Variants in GNG4 observed in about 807,000 individuals in gnomAD.
GNG4 encodes guanine nucleotide-binding protein G(I)/G(S)/G(O) subunit gamma-4.
Under a neutral mutation model 5.8 loss-of-function variants are expected in GNG4, and 4 were observed. The observed-to-expected ratio is 0.69, with a 90% CI of 0.34 to 1.57. The LOEUF is 1.57. Among genes scored for constraint, GNG4 ranks in the 40% most tolerant of loss-of-function variants. GNG4 has a pLI of 0.06. For synonymous variants in GNG4, 29 were observed against 32.9 expected (o/e 0.88, Z 0.41); for missense variants, 96 against 95.1 (o/e 1.01, Z -0.04).
chr1:235,552,009 G>T lies in GNG4; in HGVS notation c.*100C>A. Reference sequence around the variant, plus strand: ...AGCCCCGGCCACTGTTGGCTGGGCAGGGATGGGTGTTGGTCTCACTCCCTA... The same window carrying T: ...AGCCCCGGCCACTGTTGGCTGGGCATGGATGGGTGTTGGTCTCACTCCCTA... On this transcript the variant is annotated 3_prime_UTR_variant, in exon 4 of 4. Coordinates refer to ENST00000391854, the MANE Select transcript of GNG4 (RefSeq NM_001098722.2). 1.0e-6 allele frequency: 1 copy of T among 974,208 alleles called. No homozygotes were observed. Among genetic ancestry groups the T allele is most frequent in the Non-Finnish European group, 1.6e-6 (1 of 630,318 alleles). 60.3% of individuals were successfully genotyped at this position (974,208 alleles called of 1,614,324 possible).
intron 2 of GNG4, among the ~76,000 whole-genome samples, chr1:235,594,564 G>A (rs953183942): frequency 1.3e-5 from 2 of 152,210 alleles, no homozygotes; most frequent in East Asian, 1.9e-4. Context: ...TGCAGGTCCC[G>A]AGCCCTGCCC....
intron 3 of GNG4, among the ~76,000 whole-genome samples, chr1:235,577,573 T>C (rs1571889054): frequency 6.6e-6 from 1 of 152,154 alleles, no homozygotes; most frequent in East Asian, 1.9e-4. Context: ...CCCAAGTAGC[T>C]GCGGCTACAG....
chr1:235,617,637 C>A (rs747325619), intron 1 of GNG4, among the ~76,000 whole-genome samples: 2 of 152,168 alleles, frequency 1.3e-5, no homozygotes, highest in Admixed American at 6.5e-5. Context: ...GTAATCCCAG[C>A]ACTTTGGGAG....
At chr1:235,616,726 A>ATGTG (rs56726138) in intron 1 of GNG4, among the ~76,000 whole-genome samples, 3,610 of 149,832 alleles carry the variant, frequency 0.024, 144 homozygotes, top group African/African-American at 0.083. Flanking sequence ...GTGCTGAAAG[A>ATGTG]TGTGTGTGTG....
chr1:235,613,822 G>A (rs1688531436), intron 1 of GNG4, among the ~76,000 whole-genome samples: 1 of 152,138 alleles, frequency 6.6e-6, no homozygotes, highest in South Asian at 2.1e-4. Flanking sequence ...TAGTTGCCAA[G>A]GTTGGGTTCT....
chr1:235,629,424 C>T (rs1469489183), intron 1 of GNG4, among the ~76,000 whole-genome samples: 1 of 152,030 alleles, frequency 6.6e-6, no homozygotes, highest in Non-Finnish European at 1.5e-5. Context: ...GTTGCCTTTA[C>T]TCTCGGGGAC....
intron 1 of GNG4, among the ~76,000 whole-genome samples, chr1:235,605,777 C>T (rs534888862): frequency 3.4e-4 from 52 of 151,902 alleles, no homozygotes; most frequent in Non-Finnish European, 5.7e-4. Flanking sequence ...TTCAGGAAAC[C>T]CTGGGTGGTC....
At chr1:235,633,328 C>G (rs1688971644) in intron 1 of GNG4, among the ~76,000 whole-genome samples, 1 of 152,128 alleles carries the variant, frequency 6.6e-6, no homozygotes, top group Non-Finnish European at 1.5e-5. Flanking sequence ...AAAAAAGCCA[C>G]AGATGACAAG....
intron 1 of GNG4, among the ~76,000 whole-genome samples, chr1:235,598,239 A>G (rs1272910215): frequency 6.6e-6 from 1 of 152,212 alleles, no homozygotes; most frequent in African/African-American, 2.4e-5. Context: ...GGAGATTATG[A>G]TAAAACCACT....
rs1572601421 is a variant in GNG4 at position 235,550,193 on chromosome 1, C to T, written c.*1916G>A. 1.3e-5 allele frequency: 2 copies of T among 152,226 alleles called. No homozygotes were observed. Among genetic ancestry groups the T allele is most frequent in the African/African-American group, 2.4e-5 (1 of 41,456 alleles). The allele number at this position is 152,226 out of a possible 1,614,324, so 9.4% of individuals were successfully genotyped here. ...TTAGACAATCCAAGAGCTAATTCAT[C>T]GATGTCTAGCCTTTCCTTGGGGCAT... On this transcript the variant is annotated 3_prime_UTR_variant, in exon 4 of 4. Transcript: ENST00000391854.
At chr1:235,565,106 T>C (rs1291585650) in intron 3 of GNG4, among the ~76,000 whole-genome samples, 1 of 152,208 alleles carries the variant, frequency 6.6e-6, no homozygotes, top group Non-Finnish European at 1.5e-5. Flanking sequence ...TACACACATG[T>C]ATGTGCAGAG....
At chr1:235,606,944 C>CT (rs1181596456) in intron 1 of GNG4, among the ~76,000 whole-genome samples, 7,913 of 123,694 alleles carry the variant, frequency 0.064, 860 homozygotes, top group African/African-American at 0.21. Flanking sequence ...CCTTTCTTTC[C>CT]TTTTTTTTTT....
In GNG4 at chr1:235,642,993, G is replaced by A. The variant is rs1319543418; in HGVS notation, c.-123+6669C>T. Among the ~76,000 whole-genome samples the A allele has an allele frequency of 6.6e-6, 1 of 152,128 alleles. No homozygotes were observed. Among genetic ancestry groups the A allele is most frequent in the Non-Finnish European group, 1.5e-5 (1 of 68,024 alleles). ...GGATCCCAGACACCAGCCTCTCCCT[G>A]GCCCTCTGTTTCCAATCAGACGGCC... On this transcript the variant is annotated intron_variant, in intron 1 of 3. Coordinates refer to ENST00000391854, the MANE Select transcript of GNG4 (RefSeq NM_001098722.2). This position sits in a 1 kb window ranked among gnomAD's most constrained non-coding sequence, Gnocchi z 4.3.
At chr1:235,595,857 G>T (rs1688110035) in intron 1 of GNG4, among the ~76,000 whole-genome samples, 1 of 152,176 alleles carries the variant, frequency 6.6e-6, no homozygotes, top group Non-Finnish European at 1.5e-5. Context: ...ATGGAAACAG[G>T]TCACGTGTTT....
chr1:235,568,792 CCTTTTTTTTTTT>C (rs1259192534), intron 3 of GNG4, among the ~76,000 whole-genome samples: 1 of 88,230 alleles, frequency 1.1e-5, no homozygotes, highest in Non-Finnish European at 2.5e-5. Context: ...CTTTTTCTTT[CCTTTTTTTTTTT>C]CTTTTTTTCT....
At chr1:235,625,304 T>C (rs1358787418) in intron 1 of GNG4, among the ~76,000 whole-genome samples, 5 of 152,228 alleles carry the variant, frequency 3.3e-5, no homozygotes, top group Non-Finnish European at 7.3e-5. Context: ...TTTAGGTTCA[T>C]AGCAAAGGTG....
chr1:235,645,085 C>A (rs924610757), intron 1 of GNG4, among the ~76,000 whole-genome samples: 1 of 152,182 alleles, frequency 6.6e-6, no homozygotes, highest in African/African-American at 2.4e-5. Context: ...AGCCAGGCTG[C>A]CTGTACTGCT....
intron 1 of GNG4, among the ~76,000 whole-genome samples, chr1:235,604,394 C>T (rs527291408): frequency 3.9e-5 from 6 of 152,340 alleles, no homozygotes; most frequent in East Asian, 1.9e-4. Context: ...TACTACAAAC[C>T]GTGTGGTTCT....
chr1:235,606,022 C>G (rs1276312111), intron 1 of GNG4, among the ~76,000 whole-genome samples: 1 of 151,698 alleles, frequency 6.6e-6, no homozygotes, highest in Non-Finnish European at 1.5e-5. Flanking sequence ...GATCCTCTGG[C>G]CTCAGCCTCC....
Sources: gnomAD v4.1 joint callset for allele counts (sites outside exome capture counted in the v4.1 genomes callset) on GRCh38, gnomAD v4.1.1 for gene constraint, Gnocchi (gnomAD v3.1) non-coding constraint, MANE v1.5 for transcripts, NCBI Gene and HGNC (gene_info 2026-07-23, HGNC 2026-07-21) for gene names.